LINGO2: variants seen among roughly 807,000 people sequenced by gnomAD.
LINGO2 encodes the protein leucine rich repeat and Ig domain containing 2.
LINGO2 carries 14 observed loss-of-function variants against 30.6 expected under a neutral mutation model. The ratio of observed to expected loss-of-function variants is 0.46; its 90% CI spans 0.30 to 0.72. LINGO2 has a LOEUF of 0.72. Among genes scored for constraint, LINGO2 ranks in the 30% least tolerant of loss-of-function variants. The pLI, the probability that LINGO2 is intolerant of heterozygous loss-of-function variation, is 0.07. For synonymous variants in LINGO2, 317 were observed against 288.5 expected, an observed-to-expected ratio of 1.10 and a Z score of -1.00; for missense variants, 729 against 751.7, an observed-to-expected ratio of 0.97 and a Z score of 0.35.
intron 5 of LINGO2, among the ~76,000 whole-genome samples, chr9:27,995,036 T>C (rs1022506010): frequency 6.6e-6 from 1 of 152,032 alleles, no homozygotes; most frequent in Non-Finnish European, 1.5e-5. Context: ...CTCCTGGTAA[T>C]GAAACAAAGA....
chr9:28,177,491 A>C (rs1162526013), intron 4 of LINGO2, among the ~76,000 whole-genome samples: 1 of 152,216 alleles, frequency 6.6e-6, no homozygotes, highest in South Asian at 2.1e-4. Context: ...ACTAACCTGC[A>C]TGAACCTCTC....
At chr9:28,127,121 GC>G (rs1471348962) in intron 4 of LINGO2, among the ~76,000 whole-genome samples, 3 of 152,166 alleles carry the variant, frequency 2.0e-5, no homozygotes, top group African/African-American at 7.2e-5. Context: ...CTACAAGATA[GC>G]CCCTGGCAAT....
rs530213344 is a variant in LINGO2, at chr9:28,446,041, A to G, written c.-279+29899T>C. On this transcript the variant is annotated intron_variant, in intron 2 of 5. Transcript: ENST00000379992. ...ATATTATTAAGCAAGACAGAGCAAG[A>G]TAGAACATTATAGAGAAAATACATT... 1.7e-4 allele frequency among the ~76,000 whole-genome samples: 26 copies of G among 152,368 alleles called. No individual in the cohort carries two copies. The South Asian group carries it at 5.4e-3, about 32-fold the overall frequency.
At chr9:28,173,394 T>C (rs1828656685) in intron 4 of LINGO2, among the ~76,000 whole-genome samples, 1 of 152,078 alleles carries the variant, frequency 6.6e-6, no homozygotes, top group Non-Finnish European at 1.5e-5. Flanking sequence ...TCTAAGGAAA[T>C]GGAAAATTGG....
chr9:28,021,680 A>G (rs1229117786), intron 4 of LINGO2, among the ~76,000 whole-genome samples: 2 of 152,130 alleles, frequency 1.3e-5, no homozygotes, highest in Non-Finnish European at 2.9e-5. Context: ...GTGGTTAGGT[A>G]CACATACATC....
chr9:28,246,338 C>T (rs999454526), intron 4 of LINGO2, among the ~76,000 whole-genome samples: 3 of 151,902 alleles, frequency 2.0e-5, no homozygotes, highest in African/African-American at 7.3e-5. Context: ...GAAGGAGAAT[C>T]GCTTGAACCC....
chr9:29,115,231 C>G, the LINGO2 span, among the ~76,000 whole-genome samples: 4 of 151,942 alleles, frequency 2.6e-5, no homozygotes, highest in African/African-American at 9.7e-5. Flanking sequence ...AACTTGCTCT[C>G]AACTCACTTA....
intron 3 of LINGO2, among the ~76,000 whole-genome samples, chr9:28,318,417 A>C (rs1564119407): frequency 6.6e-6 from 1 of 152,178 alleles, no homozygotes; most frequent in Non-Finnish European, 1.5e-5. Flanking sequence ...ATTAATATTT[A>C]AAGTGTGAAC....
chr9:27,955,844 C>G (rs901958740), intron 5 of LINGO2, among the ~76,000 whole-genome samples: 43 of 151,230 alleles, frequency 2.8e-4, no homozygotes, highest in African/African-American at 9.5e-4. Context: ...ACAGGCACAT[C>G]ATTTCCCAAA....
intron 4 of LINGO2, among the ~76,000 whole-genome samples, chr9:28,240,413 C>A (rs1821740257): frequency 6.6e-6 from 1 of 152,098 alleles, no homozygotes; most frequent in Admixed American, 6.6e-5. Context: ...CAGCATGGTA[C>A]TGGCAAAAAA....
chr9:28,120,388 CTCCTG>C (rs1827060132), intron 4 of LINGO2, among the ~76,000 whole-genome samples: 2 of 152,164 alleles, frequency 1.3e-5, no homozygotes, highest in African/African-American at 2.4e-5. Context: ...AATGAAGGAG[CTCCTG>C]TGAGGACTTG....
the LINGO2 span, among the ~76,000 whole-genome samples, chr9:29,003,506 TACAC>T: frequency 6.6e-6 from 1 of 151,626 alleles, no homozygotes; most frequent in African/African-American, 2.4e-5. Flanking sequence ...AAAAAAGAAA[TACAC>T]ACACACAGTA....
chr9:28,622,096 A>G (rs562013282), intron 1 of LINGO2, among the ~76,000 whole-genome samples: 1 of 152,200 alleles, frequency 6.6e-6, no homozygotes, highest in African/African-American at 2.4e-5. Flanking sequence ...ACAGGCATGA[A>G]ATGCATAATA....
intron 4 of LINGO2, among the ~76,000 whole-genome samples, chr9:28,229,975 T>G (rs1033837279): frequency 6.6e-6 from 1 of 151,754 alleles, no homozygotes; most frequent in African/African-American, 2.4e-5. Context: ...AAAGAAAAAC[T>G]AACACCAAAA....
At chr9:28,984,824 T>A in the LINGO2 span, among the ~76,000 whole-genome samples, 1 of 152,154 alleles carries the variant, frequency 6.6e-6, no homozygotes, top group Non-Finnish European at 1.5e-5. Flanking sequence ...TAAATCTAAC[T>A]AATTTACATA....
chr9:28,647,493 A>C (rs1331561765), intron 1 of LINGO2, among the ~76,000 whole-genome samples: 1 of 152,130 alleles, frequency 6.6e-6, no homozygotes, highest in Admixed American at 6.6e-5. Context: ...TGGTTTTATA[A>C]ATAATACTTT....
chr9:28,937,507 A>T, the LINGO2 span, among the ~76,000 whole-genome samples: 1 of 152,030 alleles, frequency 6.6e-6, no homozygotes, highest in Admixed American at 6.5e-5. Context: ...AAGGTTCCAG[A>T]GAATAATTCT....
intron 3 of LINGO2, among the ~76,000 whole-genome samples, chr9:28,340,669 G>A (rs1825738263): frequency 6.6e-6 from 1 of 152,086 alleles, no homozygotes; most frequent in Admixed American, 6.6e-5. Context: ...ATGTAAATGA[G>A]TAGAGTTTGG....
the LINGO2 span, among the ~76,000 whole-genome samples, chr9:28,700,993 T>C: frequency 1.3e-5 from 2 of 152,094 alleles, no homozygotes; most frequent in Non-Finnish European, 1.5e-5. Context: ...TGCCCACTTT[T>C]CTTTGGGTTG....
Sources: allele counts gnomAD v4.1 joint callset (sites outside exome capture counted in the v4.1 genomes callset), GRCh38; gene constraint gnomAD v4.1.1; transcripts MANE v1.5; gene names NCBI Gene and HGNC (gene_info 2026-07-23, HGNC 2026-07-21).